IFT52: variants seen among roughly 807,000 people sequenced by gnomAD.
IFT52 encodes intraflagellar transport protein 52 homolog.
IFT52 carries 44 observed loss-of-function variants against 54.4 expected under a neutral mutation model. That is an observed-to-expected ratio of 0.81 (90% confidence interval 0.63 to 1.04). The LOEUF (loss-of-function observed/expected upper bound fraction) is 1.04. IFT52 is among the 50% of genes least tolerant of loss of function. IFT52 has a pLI of 0.00. For synonymous variants in IFT52, 181 were observed against 185.3 expected, an observed-to-expected ratio of 0.98 and a Z score of 0.19; for missense variants, 452 against 523.6, an observed-to-expected ratio of 0.86 and a Z score of 1.33.
At chr20:43,627,990 G>A (rs4812728) in intron 10 of IFT52, among the ~76,000 whole-genome samples, 105,331 of 144,586 alleles carry the variant, frequency 0.73, 38,506 homozygotes, top group East Asian at 0.8. Context: ...GCAGAGGCAC[G>A]ATCTCGGCTC....
intron 6 of IFT52, among the ~76,000 whole-genome samples, chr20:43,609,192 T>G (rs1248581506): frequency 5.3e-5 from 8 of 150,508 alleles, no homozygotes. Context: ...CAGTGAGCCG[T>G]GATCATGCCA....
chr20:43,623,927 C>G lies in IFT52; in HGVS notation c.805C>G (p.Leu269Val). 1 of 1,614,142 alleles carries G rather than the reference C, an allele frequency of 6.2e-7. No individual in the cohort carries two copies. Among genetic ancestry groups the G allele is most frequent in the Admixed American group, 1.7e-5 (1 of 60,018 alleles). ...CATGATGCTGCCCTACACAGCCACC[C>G]TATCAAAGCGGAATCGAGAGTGTCT... ...DYMMLPYTAT[L>V]SKRNRECLQE... The change falls in exon 10 of 14, where the codon CTA (leucine) becomes GTA (valine). Residue 269 changes from leucine to valine, a missense_variant. By Grantham distance (32) the Leu-to-Val change is conservative. Transcript: ENST00000373030.
In IFT52 at chr20:43,627,281, G is replaced by A. The variant is rs190042672; in HGVS notation, c.923+3236G>A. Among the ~76,000 whole-genome samples, 23 of 152,294 alleles carry A rather than the reference G, an allele frequency of 1.5e-4. No individual in the cohort carries two copies. In the East Asian group the frequency reaches 4.2e-3, roughly 28 times the overall value. Reference sequence around the variant, plus strand: ...CATGGTATTCTGAGAGCCAAGCAAAGAAAGTCTGTCAAGATGGAAAGGGTA... The same window carrying A: ...CATGGTATTCTGAGAGCCAAGCAAAAAAAGTCTGTCAAGATGGAAAGGGTA... On this transcript the variant is annotated intron_variant, in intron 10 of 13. Coordinates refer to ENST00000373030, the MANE Select transcript of IFT52 (RefSeq NM_016004.5).
chr20:43,605,579 G>A (rs1241344640), intron 6 of IFT52, among the ~76,000 whole-genome samples: 1 of 151,828 alleles, frequency 6.6e-6, no homozygotes, highest in Non-Finnish European at 1.5e-5. Flanking sequence ...TAGATTTCTA[G>A]GTTTTTTTTT....
chr20:43,642,257 C>A, intron 12 of IFT52: 1 of 450,118 alleles, frequency 2.2e-6, no homozygotes, highest in Non-Finnish European at 3.9e-6. Flanking sequence ...AGTACCAGTC[C>A]AGTTTTATTC....
At chr20:43,623,409 A>G (rs976637072) in intron 9 of IFT52, among the ~76,000 whole-genome samples, 7 of 151,776 alleles carry the variant, frequency 4.6e-5, no homozygotes, top group African/African-American at 1.7e-4. Flanking sequence ...CTGATCTCCA[A>G]CTCCTGGGCT....
At chr20:43,591,816 T>C (rs1302406528) in intron 1 of IFT52, among the ~76,000 whole-genome samples, 1 of 152,030 alleles carries the variant, frequency 6.6e-6, no homozygotes, top group Non-Finnish European at 1.5e-5. Flanking sequence ...GGCGGCAGGA[T>C]CCCTTGAGCC....
intron 10 of IFT52, among the ~76,000 whole-genome samples, chr20:43,630,151 T>C (rs1374199534): frequency 6.6e-6 from 1 of 152,136 alleles, no homozygotes; most frequent in Non-Finnish European, 1.5e-5. Context: ...TTAACTTGCT[T>C]GGTTTTGAGC....
chr20:43,631,485 A>G (rs570429988), intron 10 of IFT52, among the ~76,000 whole-genome samples: 247 of 152,200 alleles, frequency 1.6e-3, no homozygotes, highest in Non-Finnish European at 2.7e-3. Context: ...TTGTCCACTC[A>G]TTGGCATTTG....
In IFT52 at chr20:43,637,106, C is replaced by T. The variant is rs764496903; in HGVS notation, c.1012-39C>T. 21 of 1,342,840 alleles carry T rather than the reference C, an allele frequency of 1.6e-5. No homozygotes were observed. In the South Asian group the frequency reaches 2.1e-4, roughly 14 times the overall value. 83.2% of individuals were successfully genotyped at this position (1,342,840 alleles called of 1,614,324 possible). On this transcript the variant is annotated intron_variant, in intron 11 of 13. Coordinates refer to ENST00000373030, the MANE Select transcript of IFT52 (RefSeq NM_016004.5). ...AGAGACTTTATTTCCTTTACCTTAT[C>T]CTCCCTCATTTCTAAATAATGACTT...
Position 43,615,325 on chromosome 20 carries a change from G to A in IFT52, c.612+1349G>A, listed in dbSNP as rs1004986331. On this transcript the variant is annotated intron_variant, in intron 7 of 13. Transcript: ENST00000373030. The stretch of plus-strand genomic sequence containing the variant: ...CCCAAAGTGCTGGGATTATAGGCAT[G>A]AGCCACTGTGCCCAGCCCCCACTGC... Among the ~76,000 whole-genome samples, 3 of 152,162 alleles carry A rather than the reference G, an allele frequency of 2.0e-5. 1 individual carries two copies. The highest frequency in any genetic ancestry group is 2.4e-5 in the African/African-American group (1 of 41,536).
chr20:43,612,832 TC>T (rs1361176133), intron 6 of IFT52, among the ~76,000 whole-genome samples: 1 of 152,092 alleles, frequency 6.6e-6, no homozygotes, highest in Non-Finnish European at 1.5e-5. Context: ...CTATACCCCC[TC>T]CCCCAGTTTC....
At chr20:43,627,037 C>T (rs1984773665) in intron 10 of IFT52, among the ~76,000 whole-genome samples, 1 of 151,950 alleles carries the variant, frequency 6.6e-6, no homozygotes, top group Non-Finnish European at 1.5e-5. Context: ...CATGGTGGCA[C>T]ACGCCTGTAG....
At chr20:43,640,771 C>G (rs1985855707) in intron 12 of IFT52, among the ~76,000 whole-genome samples, 1 of 152,136 alleles carries the variant, frequency 6.6e-6, no homozygotes, top group Non-Finnish European at 1.5e-5. Flanking sequence ...CTCAGTGGCT[C>G]ATGCCTATAA....
intron 10 of IFT52, among the ~76,000 whole-genome samples, chr20:43,631,737 G>T (rs1348122916): frequency 6.6e-6 from 1 of 152,080 alleles, no homozygotes; most frequent in Non-Finnish European, 1.5e-5. Flanking sequence ...CTCTGCTGGA[G>T]TCACTCTGGC....
At chr20:43,595,095 C>T (rs1359559436) in intron 2 of IFT52, among the ~76,000 whole-genome samples, 1 of 151,546 alleles carries the variant, frequency 6.6e-6, no homozygotes, top group Non-Finnish European at 1.5e-5. Flanking sequence ...GCGGGTGGAT[C>T]ATGAGGTCAT....
At chr20:43,592,061 A>T (rs1981568241) in intron 1 of IFT52, among the ~76,000 whole-genome samples, 1 of 152,188 alleles carries the variant, frequency 6.6e-6, no homozygotes, top group Non-Finnish European at 1.5e-5. Flanking sequence ...CAATTTAGAA[A>T]ATAATTAAAC....
chr20:43,628,316 G>A (rs2145651513), intron 10 of IFT52, among the ~76,000 whole-genome samples: 1 of 152,274 alleles, frequency 6.6e-6, no homozygotes, highest in African/African-American at 2.4e-5. Context: ...GCCCTGCTCA[G>A]AGGGGAGGAA....
At chr20:43,595,463 C>T (rs150396985) in intron 2 of IFT52, among the ~76,000 whole-genome samples, 1,703 of 151,628 alleles carry the variant, frequency 0.011, 22 homozygotes, top group African/African-American at 0.03. Flanking sequence ...GCAGGAGAAT[C>T]GCTTAAATCC....
Sources: gnomAD v4.1 joint callset for allele counts (sites outside exome capture counted in the v4.1 genomes callset) on GRCh38, gnomAD v4.1.1 for gene constraint, MANE v1.5 for transcripts, NCBI Gene and HGNC (gene_info 2026-07-23, HGNC 2026-07-21) for gene names.